The following PKHD1 variants were observed in gnomAD, a reference collection of about 807,000 sequenced individuals.
PKHD1 encodes the protein PKHD1 ciliary IPT domain containing fibrocystin/polyductin.
Under a neutral mutation model 412.0 loss-of-function variants are expected in PKHD1, and 291 were observed. The ratio of observed to expected loss-of-function variants is 0.71; its 90% CI spans 0.64 to 0.78. PKHD1 has a LOEUF of 0.78. Among genes scored for constraint, PKHD1 ranks in the 30% least tolerant of loss-of-function variants. The pLI is 0.00. For missense variants in PKHD1, 4,825 were observed against 4,950.7 expected, an observed-to-expected ratio of 0.97 and a Z score of 0.76; for synonymous variants, 1,777 against 1,821.5, an observed-to-expected ratio of 0.98 and a Z score of 0.62.
At position 52,065,835 on chromosome 6, in the gene PKHD1, A is replaced by T. The variant is rs900001022; in HGVS notation, c.880+141T>A. The T allele has an allele frequency of 3.0e-5, 20 of 676,258 alleles. No homozygotes were observed. The East Asian group carries it at 5.4e-4, about 18-fold the overall frequency. The allele number at this position is 676,258 out of a possible 1,614,324, so 41.9% of individuals were successfully genotyped here. ...AGGACCAAAATCCCACCTGGTCTCAACCAAACACATGACTTATCAAACATG... is the reference window on the plus strand; with the variant it reads ...AGGACCAAAATCCCACCTGGTCTCATCCAAACACATGACTTATCAAACATG... On this transcript the variant is annotated intron_variant, in intron 12 of 66. Coordinates refer to ENST00000371117, the MANE Select transcript of PKHD1 (RefSeq NM_138694.4).
chr6:51,672,438 A>G (rs1275461095), intron 60 of PKHD1, among the ~76,000 whole-genome samples: 1 of 152,252 alleles, frequency 6.6e-6, no homozygotes, highest in African/African-American at 2.4e-5. Context: ...TTACAAAAGC[A>G]CAGATCTATG....
chr6:51,834,361 G>A (rs1768808496), intron 51 of PKHD1, among the ~76,000 whole-genome samples: 1 of 152,096 alleles, frequency 6.6e-6, no homozygotes, highest in Non-Finnish European at 1.5e-5. Context: ...GGAAAATTTA[G>A]GAAAAGAATA....
At chr6:52,036,652 G>A (rs2435329) in intron 27 of PKHD1, among the ~76,000 whole-genome samples, 125,534 of 152,118 alleles carry the variant, frequency 0.83, 52,359 homozygotes, top group East Asian at 0.93. Flanking sequence ...CGGTGGACTA[G>A]TACCCTGAAG....
intron 36 of PKHD1, among the ~76,000 whole-genome samples, chr6:51,953,935 C>T (rs766093536): frequency 5.9e-5 from 9 of 152,018 alleles, no homozygotes; most frequent in Admixed American, 1.3e-4. Flanking sequence ...GTCCCTCCCT[C>T]GCAATAGAAG....
chr6:52,053,772 G>T (rs1207210790), intron 20 of PKHD1, among the ~76,000 whole-genome samples: 1 of 152,194 alleles, frequency 6.6e-6, no homozygotes, highest in Non-Finnish European at 1.5e-5. Flanking sequence ...GTCAAAGAAT[G>T]TTCTCTAAGG....
In PKHD1 at chr6:51,629,220, G is replaced by A. The variant is rs2771022; in HGVS notation, c.11666-2104C>T. Among the ~76,000 whole-genome samples the A allele has an allele frequency of 1.1e-4, 17 of 151,886 alleles. No individual in the cohort carries two copies. The East Asian group carries it at 1.9e-3, about 17-fold the overall frequency. On this transcript the variant is annotated intron_variant, in intron 65 of 66. Transcript: ENST00000371117. ...AAACATAAATAAAAAAAGTGGGACC[G>A]AATTAAACTAAAGAGCTTCTTCACA...
intron 1 of PKHD1, among the ~76,000 whole-genome samples, chr6:52,086,500 C>A (rs371117058): frequency 2.0e-5 from 3 of 151,958 alleles, no homozygotes; most frequent in African/African-American, 4.8e-5. Context: ...TACTCCCCCC[C>A]TCAAAAAAAA....
chr6:52,086,497 C>A (rs1812815829), intron 1 of PKHD1, among the ~76,000 whole-genome samples: 1 of 151,956 alleles, frequency 6.6e-6, no homozygotes, highest in Non-Finnish European at 1.5e-5. Context: ...ATATACTCCC[C>A]CCCTCAAAAA....
chr6:51,616,542 T>TA lies in PKHD1; in HGVS notation c.*2538dup, dbSNP rs1320167874. On this transcript the variant is annotated 3_prime_UTR_variant, in exon 67 of 67. Transcript: ENST00000371117. ...TAATTCTCTCATTTTTTTTTTTTTT[T>TA]AGGAGAAAGAGGAGTAGCTTAACTA... 3 of 389,570 alleles carry TA rather than the reference T, an allele frequency of 7.7e-6. No homozygotes were observed. The Admixed American group carries it at 1.3e-4, about 17-fold the overall frequency. 24.1% of individuals were successfully genotyped at this position (389,570 alleles called of 1,614,324 possible). A position where few individuals can be genotyped will look rare whatever the true frequency, so the allele number is the denominator to read the frequency against.
At chr6:52,007,976 C>T (rs1799306862) in intron 35 of PKHD1, among the ~76,000 whole-genome samples, 4 of 152,152 alleles carry the variant, frequency 2.6e-5, no homozygotes, top group African/African-American at 7.2e-5. Flanking sequence ...ATTGTTCCCT[C>T]GTGTGCTTCT....
In PKHD1 at chr6:51,855,898, G is replaced by A. The variant is rs568173041; in HGVS notation, c.7906C>T (p.Leu2636=). 5.6e-6 allele frequency: 9 copies of A among 1,612,408 alleles called. No individual in the cohort carries two copies. The East Asian group carries it at 1.8e-4, about 32-fold the overall frequency. The change falls in exon 49 of 67, where the codon CTG becomes TTG. Residue 2636 remains leucine (L), a synonymous_variant. Coordinates refer to ENST00000371117, the MANE Select transcript of PKHD1 (RefSeq NM_138694.4). ...QSENLWINRS[L]QYSATFDNFA... ...TAATGGATTCCTTGGGTTACCTGCA[G>A]AGATCTGTTGATCCAAAGGTTCTCA...
chr6:51,721,059 G>A lies in PKHD1; in HGVS notation c.10156+23326C>T, dbSNP rs1781867247. 3 of 982,854 alleles carry A rather than the reference G, an allele frequency of 3.1e-6. No homozygotes were observed. The South Asian group carries it at 1.4e-4, about 46-fold the overall frequency. The allele number at this position is 982,854 out of a possible 1,614,324, so 60.9% of individuals were successfully genotyped here. ...TTTGAGGGTCAATAAGGCTCTGGGGGAACCAATTCCTCAAATCACACTGTA... is the reference window on the plus strand; with the variant it reads ...TTTGAGGGTCAATAAGGCTCTGGGGAAACCAATTCCTCAAATCACACTGTA... On this transcript the variant is annotated intron_variant, in intron 60 of 66. Transcript: ENST00000371117.
At chr6:51,768,386 T>C (rs1789492910) in intron 55 of PKHD1, among the ~76,000 whole-genome samples, 2 of 152,108 alleles carry the variant, frequency 1.3e-5, no homozygotes, top group Non-Finnish European at 2.9e-5. Flanking sequence ...CCATTTATTC[T>C]GAACTCTTTT....
chr6:52,075,533 A>T (rs2128236149), intron 6 of PKHD1, among the ~76,000 whole-genome samples: 1 of 152,344 alleles, frequency 6.6e-6, no homozygotes, highest in East Asian at 1.9e-4. Flanking sequence ...AGATTTAGCA[A>T]TTCCTGAATC....
intron 37 of PKHD1, among the ~76,000 whole-genome samples, chr6:51,913,755 C>T (rs934921914): frequency 6.6e-6 from 1 of 152,060 alleles, no homozygotes; most frequent in African/African-American, 2.4e-5. Context: ...TGCATAAGCA[C>T]TTGTACCAAT....
rs528083195 is a variant in PKHD1 at position 51,992,367 on chromosome 6, A to T, written c.5751+17942T>A. ...TCAATCTTCCCAAAACAGCGATTACATACTTGGTTGTTTCATTTTAATGTT... is the reference window on the plus strand; with the variant it reads ...TCAATCTTCCCAAAACAGCGATTACTTACTTGGTTGTTTCATTTTAATGTT... On this transcript the variant is annotated intron_variant, in intron 35 of 66. Coordinates refer to ENST00000371117, the MANE Select transcript of PKHD1 (RefSeq NM_138694.4). 3.8e-4 allele frequency among the ~76,000 whole-genome samples: 58 copies of T among 152,352 alleles called. 1 individual carries two copies. In the South Asian group the frequency reaches 0.012, roughly 31 times the overall value.
chr6:51,765,292 A>T (rs182087991), intron 55 of PKHD1, among the ~76,000 whole-genome samples: 28 of 151,442 alleles, frequency 1.8e-4, no homozygotes, highest in African/African-American at 5.8e-4. Flanking sequence ...TCCCAGCTCT[A>T]CTGTTATCTC....
intron 36 of PKHD1, among the ~76,000 whole-genome samples, chr6:51,942,249 T>G (rs1240567437): frequency 1.3e-5 from 2 of 151,532 alleles, no homozygotes; most frequent in Non-Finnish European, 3.0e-5. Context: ...ACAGCTGAAG[T>G]GCAGGGCTGT....
intron 60 of PKHD1, among the ~76,000 whole-genome samples, chr6:51,674,760 A>T (rs1775568747): frequency 6.6e-6 from 1 of 152,194 alleles, no homozygotes; most frequent in Non-Finnish European, 1.5e-5. Flanking sequence ...GCACACATGG[A>T]AAAGTGTTTG....
Sources: allele counts gnomAD v4.1 joint callset (sites outside exome capture counted in the v4.1 genomes callset), GRCh38; gene constraint gnomAD v4.1.1; transcripts MANE v1.5; gene names NCBI Gene and HGNC (gene_info 2026-07-23, HGNC 2026-07-21).